The following HDGF variants were observed in gnomAD, a reference collection of about 807,000 sequenced individuals.
HDGF encodes hepatoma-derived growth factor.
In HDGF, 5 loss-of-function variants were observed where a neutral mutation model predicts 30.0. The ratio of observed to expected loss-of-function variants is 0.17; its 90% CI spans 0.09 to 0.35. The LOEUF (loss-of-function observed/expected upper bound fraction) is 0.35. Ranked by LOEUF, HDGF falls within the 10% of genes least tolerant of loss-of-function variation. The pLI, the probability that HDGF is intolerant of heterozygous loss-of-function variation, is 1.00. For synonymous variants in HDGF, 133 were observed against 112.7 expected, an observed-to-expected ratio of 1.18 and a Z score of -1.14; for missense variants, 214 against 302.8, an observed-to-expected ratio of 0.71 and a Z score of 2.18.
rs1056865513 is a variant in HDGF, at chr1:156,761,216, G to A, written n.137-1997C>T. ...TAATCCCAGCTACTTGAGAGGCTGA[G>A]GCAGAATTGCTTGAACATAGGAGGT... On this transcript the variant is annotated intron_variant and non_coding_transcript_variant, in intron 1 of 7. Coordinates refer to the HDGF transcript ENST00000465180. Among the ~76,000 whole-genome samples, 25 of 152,178 alleles carry A rather than the reference G, an allele frequency of 1.6e-4. No homozygotes were observed. In the East Asian group the frequency reaches 4.4e-3, roughly 27 times the overall value.
At chr1:156,760,843 C>CTT (rs10718204) in intron 1 of HDGF, among the ~76,000 whole-genome samples, 4 of 144,680 alleles carry the variant, frequency 2.8e-5, no homozygotes, top group African/African-American at 5.0e-5. Context: ...CTCCCCCAGC[C>CTT]TTTTTTTTTT....
intron 1 of HDGF, among the ~76,000 whole-genome samples, chr1:156,746,241 G>T (rs1650535373): frequency 6.6e-6 from 1 of 152,174 alleles, no homozygotes; most frequent in Admixed American, 6.5e-5. Flanking sequence ...TGCACTATCT[G>T]GACTAGACCA....
intron 1 of HDGF, among the ~76,000 whole-genome samples, chr1:156,748,144 G>A (rs766581799): frequency 1.3e-5 from 2 of 152,180 alleles, no homozygotes; most frequent in African/African-American, 2.4e-5. Context: ...CCCTCACCTA[G>A]AGTATAGGCA....
In HDGF at chr1:156,751,284, C is replaced by A. The variant is rs143905023; in HGVS notation, c.87+59G>T. 5.9e-3 allele frequency: 9,304 copies of A among 1,574,872 alleles called. 45 individuals carry two copies. Among genetic ancestry groups the A allele is most frequent in the Non-Finnish European group, 7.3e-3 (8,431 of 1,158,902 alleles). Reference sequence around the variant, plus strand: ...TCCGCGCGGAGCGCTCGTGCCCTTCCCGGTGTTATGCAACCCAAGCCCGCA... The same window carrying A: ...TCCGCGCGGAGCGCTCGTGCCCTTCACGGTGTTATGCAACCCAAGCCCGCA... On this transcript the variant is annotated intron_variant, in intron 1 of 5. Transcript: ENST00000357325. This position sits in a 1 kb window ranked among gnomAD's most constrained non-coding sequence, Gnocchi z 4.7.
At chr1:156,752,321 G>A (rs1651034717), upstream of HDGF, 1 of 1,551,658 alleles carries the variant, frequency 6.4e-7, no homozygotes, top group African/African-American at 1.4e-5. Context: ...GCCAGGAGAT[G>A]GCCAAGGAGT....
At chr1:156,755,939 T>A (rs548448305), upstream of HDGF, among the ~76,000 whole-genome samples, 60 of 152,290 alleles carry the variant, frequency 3.9e-4, no homozygotes, top group African/African-American at 1.4e-3. Context: ...TGATTATGAT[T>A]GAATGAATGA....
rs767111801 is a variant in HDGF, at chr1:156,751,416, T to C, written c.14A>G (p.Asn5Ser). Residue 5 changes from asparagine (N) to serine (S), a missense_variant, in exon 1 of 6, where the codon AAC becomes AGC. Asn to Ser is a conservative substitution (Grantham distance 46). This residue lies in a region of HDGF where 38 missense variants were observed against 91.1 expected (regional missense o/e 0.42). Coordinates refer to ENST00000357325, the MANE Select transcript of HDGF (RefSeq NM_004494.3). This position sits in a 1 kb window ranked among gnomAD's most constrained non-coding sequence, Gnocchi z 4.7. MSRS[N>S]RQKEYKCGDL... ...CCCGCATTTGTACTCCTTCTGCCGG[T>C]TGGATCGCGACATGGCGGGGCTCCG... is the stretch of plus-strand genomic sequence containing the variant. 24 of 1,592,672 alleles carry C rather than the reference T, an allele frequency of 1.5e-5. No individual in the cohort carries two copies. Among genetic ancestry groups the C allele is most frequent in the African/African-American group, 5.5e-5 (4 of 72,800 alleles).
chr1:156,765,434 TCTTTC>T (rs763247756), intron 1 of HDGF, among the ~76,000 whole-genome samples: 3 of 99,878 alleles, frequency 3.0e-5, no homozygotes, highest in Non-Finnish European at 6.8e-5. Context: ...TCTCTTTCTT[TCTTTC>T]CTTTCTTTCC....
At chr1:156,750,451 T>A (rs1472987223) in intron 1 of HDGF, among the ~76,000 whole-genome samples, 4 of 152,012 alleles carry the variant, frequency 2.6e-5, no homozygotes, top group Non-Finnish European at 5.9e-5. Context: ...GGCCCCACCC[T>A]CCCACCTGGC....
In HDGF at chr1:156,744,365, A is replaced by G; in HGVS notation, c.304-17T>C. The G allele has an allele frequency of 6.2e-7, 1 of 1,613,322 alleles. No individual in the cohort carries two copies. Among genetic ancestry groups the G allele is most frequent in the Non-Finnish European group, 8.5e-7 (1 of 1,179,846 alleles). On this transcript the variant is annotated splice_polypyrimidine_tract_variant and intron_variant, in intron 3 of 5. Coordinates refer to ENST00000357325, the MANE Select transcript of HDGF (RefSeq NM_004494.3). ...CTGGGAGGACTGCAGCAGAGACAGC[A>G]CAGGCTGAGTGGCACCAGTCGCTGC...
chr1:156,763,723 C>A (rs530302673), intron 1 of HDGF, among the ~76,000 whole-genome samples: 1 of 150,800 alleles, frequency 6.6e-6, no homozygotes, highest in East Asian at 2.0e-4. Flanking sequence ...GTAGCTGGGA[C>A]TACAGGTGCA....
intron 1 of HDGF, chr1:156,759,361 G>A (rs1651205019): frequency 6.6e-6 from 1 of 152,044 alleles, no homozygotes; most frequent in Non-Finnish European, 1.5e-5. Flanking sequence ...AGCAAATGCA[G>A]AGATAACTAT....
upstream of HDGF, among the ~76,000 whole-genome samples, chr1:156,755,066 TC>T (rs1443990287): frequency 6.6e-6 from 1 of 152,104 alleles, no homozygotes; most frequent in Non-Finnish European, 1.5e-5. Flanking sequence ...GTAGTAAGGG[TC>T]TAAAACAACA....
At chr1:156,759,534 T>C (rs1486536199) in intron 1 of HDGF, among the ~76,000 whole-genome samples, 1 of 145,926 alleles carries the variant, frequency 6.9e-6, no homozygotes, top group Non-Finnish European at 1.5e-5. Flanking sequence ...CAGGCTGGAG[T>C]GCAGTGGCGC....
intron 1 of HDGF, among the ~76,000 whole-genome samples, chr1:156,765,959 G>C (rs12408743): frequency 0.1 from 15,181 of 152,166 alleles, 948 homozygotes; most frequent in African/African-American, 0.17. Context: ...TCAGTGCCTG[G>C]TTTGCAACTA....
chr1:156,748,331 G>A (rs1003772713), intron 1 of HDGF, among the ~76,000 whole-genome samples: 1 of 152,200 alleles, frequency 6.6e-6, no homozygotes, highest in African/African-American at 2.4e-5. Context: ...TAGAGGTTAT[G>A]AGGTCTCAGG....
intron 1 of HDGF, chr1:156,750,745 C>G (rs1004381276): frequency 6.6e-6 from 1 of 152,328 alleles, no homozygotes; most frequent in Non-Finnish European, 1.5e-5. Context: ...GATCCCCTTA[C>G]GCCGCCCCCA....
At chr1:156,746,890 A>T (rs1263979092) in intron 1 of HDGF, among the ~76,000 whole-genome samples, 1 of 152,052 alleles carries the variant, frequency 6.6e-6, no homozygotes. Flanking sequence ...AGAGGGCCCA[A>T]CTGGGGGCCT....
chr1:156,764,383 G>C (rs111382572), intron 1 of HDGF, among the ~76,000 whole-genome samples: 1 of 151,248 alleles, frequency 6.6e-6, no homozygotes, highest in African/African-American at 2.4e-5. Context: ...TTTTAGTAGA[G>C]ACAGGGTTTC....
Sources: allele counts gnomAD v4.1 joint callset (sites outside exome capture counted in the v4.1 genomes callset), GRCh38; gene constraint gnomAD v4.1.1; regional missense constraint gnomAD v4.1.1; non-coding constraint Gnocchi (gnomAD v3.1); transcripts MANE v1.5; gene names NCBI Gene and HGNC (gene_info 2026-07-23, HGNC 2026-07-21).